The following RAP1GAP2 variants were observed in gnomAD, a reference collection of about 807,000 sequenced individuals.
RAP1GAP2 encodes the protein RAP1 GTPase activating protein 2, also known as rap1 GTPase-activating protein 2.
A neutral mutation model predicts 95.0 loss-of-function variants in RAP1GAP2; 27 were observed. That is an observed-to-expected ratio of 0.28 (90% CI 0.21 to 0.39). The LOEUF (loss-of-function observed/expected upper bound fraction) is 0.39. Among genes scored for constraint, RAP1GAP2 ranks in the 10% least tolerant of loss-of-function variants. The pLI, the probability that RAP1GAP2 is intolerant of heterozygous loss-of-function variation, is 1.00. For synonymous variants in RAP1GAP2, 373 were observed against 380.9 expected (o/e 0.98, Z 0.24); for missense variants, 771 against 970.0 (o/e 0.79, Z 2.72).
rs186189162 is a variant in RAP1GAP2, at chr17:2,858,968, G to A, written c.81-46316G>A. 1.1e-4 allele frequency among the ~76,000 whole-genome samples: 16 copies of A among 152,114 alleles called. No individual in the cohort carries two copies. The Middle Eastern group carries it at 0.01, about 97-fold the overall frequency. On this transcript the variant is annotated intron_variant, in intron 2 of 24. Coordinates refer to ENST00000254695, the MANE Select transcript of RAP1GAP2 (RefSeq NM_015085.5). ...TTATTATACCCTCTAAATTAACAGT[G>A]ATTTCTTAATACCATATTTAGTCAG...
intron 4 of RAP1GAP2, 82 bp downstream of exon 4, chr17:2,957,876 C>A: frequency 7.3e-7 from 1 of 1,376,100 alleles, no homozygotes. Context: ...AACCCACGGG[C>A]AGAAGCCGGG....
At chr17:2,789,532 G>A (rs781571542) in intron 1 of RAP1GAP2, among the ~76,000 whole-genome samples, 3 of 150,492 alleles carry the variant, frequency 2.0e-5, no homozygotes, top group Non-Finnish European at 4.4e-5. Context: ...AAACTGAGGC[G>A]GGCAGATCAC....
rs1332814017 is a variant in RAP1GAP2, at chr17:2,871,236, A to G, written c.81-34048A>G. ...CTCCCACAGTGCTGGGATTACAGGC[A>G]TGAGCCACTGCGCCCAGCCAAGGGC... On this transcript the variant is annotated intron_variant, in intron 2 of 24. Coordinates refer to ENST00000254695, the MANE Select transcript of RAP1GAP2 (RefSeq NM_015085.5). This position sits in a 1 kb window ranked among gnomAD's most constrained non-coding sequence, Gnocchi z 5.0. Among the ~76,000 whole-genome samples the G allele has an allele frequency of 6.6e-6, 1 of 152,236 alleles. No individual in the cohort carries two copies. Among genetic ancestry groups the G allele is most frequent in the Non-Finnish European group, 1.5e-5 (1 of 68,046 alleles).
intron 3 of RAP1GAP2, among the ~76,000 whole-genome samples, chr17:2,957,424 C>T (rs897495419): frequency 2.6e-5 from 4 of 152,196 alleles, no homozygotes; most frequent in African/African-American, 7.2e-5. Context: ...TGGCTCCTGC[C>T]GGAGGCTGAA....
chr17:2,890,706 A>G (rs2073680783), intron 2 of RAP1GAP2, among the ~76,000 whole-genome samples: 2 of 143,836 alleles, frequency 1.4e-5, no homozygotes, highest in Non-Finnish European at 3.0e-5. Flanking sequence ...TTTTTTTGAG[A>G]CAGAGTCTTG....
chr17:2,915,066 A>G (rs2042529149), intron 3 of RAP1GAP2, among the ~76,000 whole-genome samples: 1 of 151,908 alleles, frequency 6.6e-6, no homozygotes, highest in South Asian at 2.1e-4. Flanking sequence ...CTGGGATTAC[A>G]GACGTGAGCC....
chr17:2,943,872 A>G (rs1459499188), intron 3 of RAP1GAP2, among the ~76,000 whole-genome samples: 1 of 150,088 alleles, frequency 6.7e-6, no homozygotes, highest in East Asian at 2.0e-4. Context: ...AGAAGAGGCC[A>G]GGCATGGTGG....
rs12103602 is a variant in RAP1GAP2 at position 2,876,685 on chromosome 17, C to A, written c.81-28599C>A. On this transcript the variant is annotated intron_variant, in intron 2 of 24. Transcript: ENST00000254695. ...TAGACCTGGAGTCTGTTCTATGAGT[C>A]TTTAGGTCCCTGTGCTGATGTTGAT... is the stretch of plus-strand genomic sequence containing the variant. 8.0e-3 allele frequency among the ~76,000 whole-genome samples: 1,220 copies of A among 152,136 alleles called. 10 individuals carry two copies. Among genetic ancestry groups the A allele is most frequent in the African/African-American group, 0.028 (1,155 of 41,500 alleles).
At chr17:2,813,912 G>A (rs1204508883) in intron 2 of RAP1GAP2, among the ~76,000 whole-genome samples, 7 of 151,898 alleles carry the variant, frequency 4.6e-5, no homozygotes, top group Non-Finnish European at 1.0e-4. Context: ...GCAGTGAGCC[G>A]AGATCGCACC....
intron 17 of RAP1GAP2, among the ~76,000 whole-genome samples, chr17:3,014,377 T>C (rs1016607709): frequency 3.9e-5 from 6 of 152,148 alleles, no homozygotes; most frequent in African/African-American, 7.2e-5. Flanking sequence ...AGTAAAAATA[T>C]AGTATTAGAA....
chr17:2,886,795 T>TGGA (rs2073519951), intron 2 of RAP1GAP2, among the ~76,000 whole-genome samples: 1 of 152,106 alleles, frequency 6.6e-6, no homozygotes, highest in African/African-American at 2.4e-5. Context: ...GGAGTGGGAC[T>TGGA]GAGGCCGAGG....
intron 11 of RAP1GAP2, among the ~76,000 whole-genome samples, chr17:2,990,535 G>A (rs1567864040): frequency 1.3e-5 from 2 of 152,232 alleles, no homozygotes; most frequent in African/African-American, 2.4e-5. Context: ...GTATATGCCC[G>A]GGAGTGAAGT....
rs572560171 is a variant in RAP1GAP2 at position 2,967,646 on chromosome 17, G to A, written c.596+2003G>A. The stretch of plus-strand genomic sequence containing the variant: ...GTGACGAGAAGCCGTACCCCAGCTC[G>A]GAAGTTGGGCAGTCACATCATGTAC... On this transcript the variant is annotated intron_variant, in intron 8 of 24. Coordinates refer to ENST00000254695, the MANE Select transcript of RAP1GAP2 (RefSeq NM_015085.5). Among the ~76,000 whole-genome samples the A allele has an allele frequency of 3.3e-5, 5 of 152,274 alleles. No homozygotes were observed. The South Asian group carries it at 8.3e-4, about 25-fold the overall frequency.
chr17:2,813,888 G>C (rs111664644), intron 2 of RAP1GAP2, among the ~76,000 whole-genome samples: 1 of 152,006 alleles, frequency 6.6e-6, no homozygotes, highest in African/African-American at 2.4e-5. Context: ...ACTTAAACCC[G>C]GGAGGCGGAG....
rs1470780987 is a variant in RAP1GAP2 at position 2,965,581 on chromosome 17, C to T, written c.534C>T (p.Asn178=). 6.2e-7 allele frequency: 1 copy of T among 1,612,878 alleles called. No homozygotes were observed. The highest frequency in any genetic ancestry group is 2.2e-5 in the East Asian group (1 of 44,880). ...NFYCTGSSLG[N]LILSVKCEEA... is the part of the protein sequence containing the mutation. ...ACTGTACCGGCAGCAGCCTGGGGAA[C>T]TTGATCCTGTCCGTCAAGTGCGAGG... The change falls in exon 8 of 25, where the codon AAC becomes AAT. Residue 178 remains asparagine, a synonymous_variant. Transcript: ENST00000254695. This position sits in a 1 kb window ranked among gnomAD's most constrained non-coding sequence, Gnocchi z 4.7.
In RAP1GAP2 at chr17:3,029,746, G is replaced by A. The variant is rs1278136844; in HGVS notation, c.2108-1176G>A. ...CAGAGGACAGCCAGAAAGTCAAGTG[G>A]CCCTCCTGCCAGCGGGGCACAGCGG... On this transcript the variant is annotated intron_variant, in intron 22 of 24. Transcript: ENST00000254695. This position sits in a 1 kb window ranked among gnomAD's most constrained non-coding sequence, Gnocchi z 4.4. 2.8e-4 allele frequency among the ~76,000 whole-genome samples: 42 copies of A among 152,124 alleles called. No individual in the cohort carries two copies. The highest frequency in any genetic ancestry group is 1.9e-4 in the Non-Finnish European group (13 of 68,032).
At chr17:3,007,494 G>T (rs1434425913) in intron 16 of RAP1GAP2, among the ~76,000 whole-genome samples, 1 of 152,204 alleles carries the variant, frequency 6.6e-6, no homozygotes, top group African/African-American at 2.4e-5. Context: ...AGTGTTGTGG[G>T]ACGTGGGATT....
chr17:2,967,165 G>A (rs951193006), intron 8 of RAP1GAP2, among the ~76,000 whole-genome samples: 6 of 152,118 alleles, frequency 3.9e-5, no homozygotes, highest in African/African-American at 1.4e-4. Context: ...TCAGGAGATC[G>A]AGACCATCCT....
intron 2 of RAP1GAP2, among the ~76,000 whole-genome samples, chr17:2,876,090 C>A (rs1272478831): frequency 8.0e-4 from 122 of 151,656 alleles, no homozygotes; most frequent in Non-Finnish European, 1.6e-3. Flanking sequence ...GGCACCCGCC[C>A]CCACGCCCGG....
Sources: gnomAD v4.1 joint callset for allele counts (sites outside exome capture counted in the v4.1 genomes callset) on GRCh38, gnomAD v4.1.1 for gene constraint, Gnocchi (gnomAD v3.1) non-coding constraint, MANE v1.5 for transcripts, NCBI Gene and HGNC (gene_info 2026-07-23, HGNC 2026-07-21) for gene names.